The following SLC9A4 variants were observed in gnomAD, a reference collection of about 807,000 sequenced individuals.
SLC9A4 encodes the protein solute carrier family 9 member A4, also known as sodium/hydrogen exchanger 4.
In SLC9A4, 63 loss-of-function variants were observed where a neutral mutation model predicts 67.4. The observed-to-expected ratio is 0.93, with a 90% confidence interval of 0.76 to 1.15. SLC9A4 has a LOEUF of 1.15. Ranked by LOEUF, SLC9A4 falls within the 50% of genes most tolerant of loss-of-function variation. SLC9A4 has a pLI of 0.00. For missense variants in SLC9A4, 1,089 were observed against 987.7 expected (o/e 1.10, Z -1.38); for synonymous variants, 393 against 367.2 (o/e 1.07, Z -0.80).
At chr2:102,485,966 G>A (rs764248827) in intron 2 of SLC9A4, among the ~76,000 whole-genome samples, 11 of 152,164 alleles carry the variant, frequency 7.2e-5, no homozygotes, top group African/African-American at 1.2e-4. Flanking sequence ...TGTCATGCAC[G>A]TGTCCTGCAC....
At chr2:102,489,573 G>A (rs1472917496) in intron 2 of SLC9A4, among the ~76,000 whole-genome samples, 1 of 152,104 alleles carries the variant, frequency 6.6e-6, no homozygotes, top group South Asian at 2.1e-4. Flanking sequence ...CTGCACCCTA[G>A]GTCAATAAAC....
Position 102,473,928 on chromosome 2 carries a change from A to T in SLC9A4, c.169A>T (p.Ile57Leu). Residue 57 changes from isoleucine (I) to leucine (L), a missense_variant, in exon 1 of 12, where the codon ATA becomes TTA. Transcript: ENST00000295269. ...TGCCAGCTCAGAGCCAGAGGAAGGGATATCTGTTTTTGAACTGGATTATGA... is the reference window on the plus strand; with the variant it reads ...TGCCAGCTCAGAGCCAGAGGAAGGGTTATCTGTTTTTGAACTGGATTATGA... ...AAASSEPEEG[I>L]SVFELDYDYV... is the part of the protein sequence containing the mutation. The T allele has an allele frequency of 6.2e-7, 1 of 1,614,036 alleles. No homozygotes were observed. Among genetic ancestry groups the T allele is most frequent in the South Asian group, 1.1e-5 (1 of 91,078 alleles).
At chr2:102,529,766 G>A (rs1239640977) in intron 11 of SLC9A4, among the ~76,000 whole-genome samples, 1 of 152,180 alleles carries the variant, frequency 6.6e-6, no homozygotes. Context: ...CTTGGAGAAT[G>A]CTTCCCTTCC....
chr2:102,509,428 T>C (rs1020846702), intron 6 of SLC9A4, among the ~76,000 whole-genome samples: 5 of 152,220 alleles, frequency 3.3e-5, no homozygotes, highest in Non-Finnish European at 5.9e-5. Context: ...CATCTGCCAC[T>C]TAATCCTCCT....
Position 102,503,684 on chromosome 2 carries a change from C to T in SLC9A4, c.957C>T (p.Thr319=). 1.9e-6 allele frequency: 3 copies of T among 1,614,148 alleles called. No homozygotes were observed. The highest frequency in any genetic ancestry group is 1.1e-5 in the South Asian group (1 of 91,080). ...FSYLSYLAAE[T]LYLSGILAIT... ...ATTTGTCTTACTTAGCTGCTGAAAC[C>T]CTCTATCTCTCCGGCATCCTGGCGT... The change falls in exon 3 of 12, where the codon ACC becomes ACT. Residue 319 remains threonine (T), a synonymous_variant. Coordinates refer to ENST00000295269, the MANE Select transcript of SLC9A4 (RefSeq NM_001011552.4).
At position 102,533,144 on chromosome 2, in the gene SLC9A4, G is replaced by A. The variant is rs1210358819; in HGVS notation, c.*456G>A. ...AGGACATGTAGTCCAAGGTTGCATG[G>A]TGAGTTCACAGTCGGATTGTCCTCC... On this transcript the variant is annotated 3_prime_UTR_variant, in exon 12 of 12. Transcript: ENST00000295269. The A allele has an allele frequency of 6.4e-6, 1 of 155,820 alleles. No homozygotes were observed. Among genetic ancestry groups the A allele is most frequent in the Non-Finnish European group, 1.4e-5 (1 of 70,032 alleles). The allele number at this position is 155,820 out of a possible 1,614,324, so 9.7% of individuals were successfully genotyped here.
chr2:102,500,717 A>C (rs569086785), intron 2 of SLC9A4, among the ~76,000 whole-genome samples: 3 of 152,148 alleles, frequency 2.0e-5, no homozygotes, highest in Non-Finnish European at 4.4e-5. Flanking sequence ...TTACATGGTG[A>C]CTGCAGCATA....
At chr2:102,480,845 T>A (rs1228419572) in intron 2 of SLC9A4, among the ~76,000 whole-genome samples, 2 of 152,172 alleles carry the variant, frequency 1.3e-5, no homozygotes, top group Non-Finnish European at 2.9e-5. Context: ...CACCTGTACT[T>A]GCCAAGGGGA....
In SLC9A4 at chr2:102,525,043, A is replaced by G. The variant is rs1450827084; in HGVS notation, c.1838A>G (p.Tyr613Cys). Residue 613 changes from tyrosine (Y) to cysteine (C), a missense_variant, in exon 10 of 12, where the codon TAC (tyrosine) becomes TGC (cysteine). By Grantham distance (194) the Tyr-to-Cys change is radical. Transcript: ENST00000295269. Reference protein sequence around the residue: ...VRQRTLSYNKYNLKPQTSEKQ... With the variant: ...VRQRTLSYNKCNLKPQTSEKQ... ...CTGCAGACCCTGTCCTACAACAAAT[A>G]CAACCTCAAACCCCAAACAAGTGAG... The G allele has an allele frequency of 6.2e-7, 1 of 1,614,066 alleles. No individual in the cohort carries two copies. The highest frequency in any genetic ancestry group is 1.7e-5 in the Admixed American group (1 of 60,022).
chr2:102,486,322 G>A (rs1481344615), intron 2 of SLC9A4, among the ~76,000 whole-genome samples: 2 of 152,162 alleles, frequency 1.3e-5, no homozygotes, highest in Non-Finnish European at 2.9e-5. Context: ...ATAGCACGTG[G>A]CACAGAGTGA....
chr2:102,519,790 T>C, intron 8 of SLC9A4, 69 bp from the exon 9 acceptor site: 1 of 1,453,884 alleles, frequency 6.9e-7, no homozygotes, highest in South Asian at 1.2e-5. Flanking sequence ...CAAGGCCCAC[T>C]GATAGTTTTG....
intron 11 of SLC9A4, among the ~76,000 whole-genome samples, chr2:102,529,897 G>C (rs1031716771): frequency 2.6e-5 from 4 of 152,082 alleles, no homozygotes; most frequent in African/African-American, 9.7e-5. Context: ...GGGCTCACTT[G>C]GTGTTATAAC....
At chr2:102,532,218 G>A in intron 11 of SLC9A4, 112 bp from the exon 12 acceptor site, 1 of 1,232,464 alleles carries the variant, frequency 8.1e-7, no homozygotes, top group Non-Finnish European at 1.1e-6. Flanking sequence ...GTGTAGAGCT[G>A]AAACCTCAGG....
intron 1 of SLC9A4, among the ~76,000 whole-genome samples, chr2:102,474,641 T>A (rs1460799331): frequency 6.6e-6 from 1 of 152,220 alleles, no homozygotes; most frequent in African/African-American, 2.4e-5. Flanking sequence ...ATAAAGTGAA[T>A]CCAAGTTAAT....
Position 102,526,362 on chromosome 2 carries a change from G to A in SLC9A4, c.2038+16G>A. ...GGGTTCTCAGGTAAGCTGCCCACCTGGCTGCTCTGCTGCTTTTCTGTAGAG... is the reference window on the plus strand; with the variant it reads ...GGGTTCTCAGGTAAGCTGCCCACCTAGCTGCTCTGCTGCTTTTCTGTAGAG... On this transcript the variant is annotated intron_variant, in intron 11 of 11. Transcript: ENST00000295269. The A allele has an allele frequency of 6.2e-7, 1 of 1,612,392 alleles. No individual in the cohort carries two copies. Among genetic ancestry groups the A allele is most frequent in the Middle Eastern group, 1.7e-4 (1 of 6,036 alleles).
intron 2 of SLC9A4, among the ~76,000 whole-genome samples, chr2:102,481,154 G>T (rs1684453552): frequency 6.6e-6 from 1 of 152,078 alleles, no homozygotes; most frequent in African/African-American, 2.4e-5. Context: ...GACCAGTTGA[G>T]GTCCTCATAA....
rs182776204 is a variant in SLC9A4 at position 102,473,619 on chromosome 2, G to C, written c.-141G>C. 1 of 1,025,942 alleles carries C rather than the reference G, an allele frequency of 9.7e-7. No homozygotes were observed. Among genetic ancestry groups the C allele is most frequent in the Admixed American group, 2.7e-5 (1 of 36,986 alleles). 63.6% of individuals were successfully genotyped at this position (1,025,942 alleles called of 1,614,324 possible). A position where few individuals can be genotyped will look rare whatever the true frequency, so the allele number is the denominator to read the frequency against. ...ACATACAGAGCTCAATAACACACTCGGAATCTTCTTGGGAGGACCCACAGA... is the reference window on the plus strand; with the variant it reads ...ACATACAGAGCTCAATAACACACTCCGAATCTTCTTGGGAGGACCCACAGA... On this transcript the variant is annotated 5_prime_UTR_variant, in exon 1 of 12. Transcript: ENST00000295269.
chr2:102,526,024 A>G (rs141079471), intron 10 of SLC9A4, among the ~76,000 whole-genome samples: 16,409 of 152,010 alleles, frequency 0.11, 1,166 homozygotes, highest in African/African-American at 0.19. Flanking sequence ...AGTAGCTGGG[A>G]TTACAGGTGC....
In SLC9A4 at chr2:102,532,334, T is replaced by A; in HGVS notation, c.2043T>A (p.Asp681Glu). Residue 681 changes from aspartate to glutamate, a missense_variant, in exon 12 of 12, where the codon GAT becomes GAA. By Grantham distance (45) the Asp-to-Glu change is conservative. Coordinates refer to ENST00000295269, the MANE Select transcript of SLC9A4 (RefSeq NM_001011552.4). ...CTTGCCATGATGTTTTCCTAGATGA[T>A]GACAGCAGTGATCCAGGATCCCCAT... Reference protein sequence around the residue: ...RDTRAAGFSDDDSSDPGSPSI... With the variant: ...RDTRAAGFSDEDSSDPGSPSI... 6.2e-7 allele frequency: 1 copy of A among 1,611,958 alleles called. No individual in the cohort carries two copies. Among genetic ancestry groups the A allele is most frequent in the Non-Finnish European group, 8.5e-7 (1 of 1,178,616 alleles).
Sources: gnomAD v4.1 joint callset for allele counts (sites outside exome capture counted in the v4.1 genomes callset) on GRCh38, gnomAD v4.1.1 for gene constraint, MANE v1.5 for transcripts, NCBI Gene and HGNC (gene_info 2026-07-23, HGNC 2026-07-21) for gene names.